The following PLXNA4 variants were observed in gnomAD, a reference collection of about 807,000 sequenced individuals.
PLXNA4 encodes plexin-A4.
Under a neutral mutation model 191.8 loss-of-function variants are expected in PLXNA4, and 44 were observed. The ratio of observed to expected loss-of-function variants is 0.23; its 90% confidence interval spans 0.18 to 0.29. The LOEUF (loss-of-function observed/expected upper bound fraction) is 0.29. PLXNA4 is among the 10% of genes least tolerant of loss of function. PLXNA4 has a pLI of 1.00. For missense variants in PLXNA4, 1,800 were observed against 2,488.8 expected (o/e 0.72, Z 5.89); for synonymous variants, 1,082 against 1,009.5 (o/e 1.07, Z -1.36).
chr7:132,343,531 G>A (rs926731575), intron 3 of PLXNA4, among the ~76,000 whole-genome samples: 8 of 152,174 alleles, frequency 5.3e-5, no homozygotes, highest in African/African-American at 1.4e-4. Flanking sequence ...TGTGTCCTTT[G>A]AAAAGAGAAG....
rs1310557370 is a variant in PLXNA4 at position 132,555,058 on chromosome 7, A to AAAAAAAAAAAAAAC, written c.-87+21363_-87+21364insGTTTTTTTTTTTTT. On this transcript the variant is annotated intron_variant, in intron 1 of 31. Transcript: ENST00000321063. ...GTAAACCTGAAGGAAAAAAAAAAAC[A>AAAAAAAAAAAAAAC]AAAAAAAAACAGTAACCATCACCAT... Among the ~76,000 whole-genome samples the AAAAAAAAAAAAAAC allele has an allele frequency of 2.2e-4, 32 of 146,346 alleles. 1 individual carries two copies. The highest frequency in any genetic ancestry group is 2.2e-4 in the African/African-American group (9 of 40,004).
At chr7:132,563,390 CTCT>C (rs1283711699) in intron 1 of PLXNA4, among the ~76,000 whole-genome samples, 13 of 95,194 alleles carry the variant, frequency 1.4e-4, no homozygotes, top group Admixed American at 2.0e-4. Flanking sequence ...CCTCCTCCTC[CTCT>C]TTCTCCTCCT....
At chr7:132,273,529 G>A (rs1387744868) in intron 4 of PLXNA4, among the ~76,000 whole-genome samples, 1 of 152,164 alleles carries the variant, frequency 6.6e-6, no homozygotes, top group African/African-American at 2.4e-5. Flanking sequence ...TGAACAGCAA[G>A]ATCCTCACTT....
chr7:132,619,674 G>A (rs1803223181), intron 2 of PLXNA4, among the ~76,000 whole-genome samples: 1 of 152,246 alleles, frequency 6.6e-6, no homozygotes, highest in African/African-American at 2.4e-5. Context: ...GCATATTCTA[G>A]AAGCTAAGCA....
At chr7:132,562,607 C>G (rs1563174403) in intron 1 of PLXNA4, among the ~76,000 whole-genome samples, 1 of 126,408 alleles carries the variant, frequency 7.9e-6, no homozygotes, top group Non-Finnish European at 1.6e-5. Context: ...TCCTCCTCCT[C>G]CTTCTCCTCC....
rs368835140 is a variant in PLXNA4 at position 132,140,583 on chromosome 7, G to A, written c.5438+16C>T. The A allele has an allele frequency of 3.5e-4, 563 of 1,611,026 alleles. No homozygotes were observed. The highest frequency in any genetic ancestry group is 4.6e-4 in the Non-Finnish European group (537 of 1,178,640). ...CAGCAAGGGGCCCTGACTTGGCTCC[G>A]TGGCCCAGCACTCACCTCTCCACCC... On this transcript the variant is annotated intron_variant, in intron 30 of 31. Coordinates refer to ENST00000321063, the MANE Select transcript of PLXNA4 (RefSeq NM_020911.2).
rs779930200 is a variant in PLXNA4, at chr7:132,380,292, C to T, written c.1372-82070G>A. Among the ~76,000 whole-genome samples the T allele has an allele frequency of 4.6e-5, 7 of 152,154 alleles. 1 individual carries two copies. Among genetic ancestry groups the T allele is most frequent in the Non-Finnish European group, 5.9e-5 (4 of 68,026 alleles). On this transcript the variant is annotated intron_variant, in intron 3 of 31. Transcript: ENST00000321063. ...TGTGATCGTGTGCAAAGGGCAGCACCAGGCCCTGGTGGTGATAACAAGGAG... is the reference window on the plus strand; with the variant it reads ...TGTGATCGTGTGCAAAGGGCAGCACTAGGCCCTGGTGGTGATAACAAGGAG...
intron 3 of PLXNA4, among the ~76,000 whole-genome samples, chr7:132,432,199 G>C (rs948449458): frequency 6.6e-6 from 1 of 152,170 alleles, no homozygotes; most frequent in Non-Finnish European, 1.5e-5. Flanking sequence ...ACTGGTGACG[G>C]ACGACTCACC....
At chr7:132,619,160 G>C (rs1017809508) in intron 2 of PLXNA4, among the ~76,000 whole-genome samples, 3 of 152,090 alleles carry the variant, frequency 2.0e-5, no homozygotes, top group African/African-American at 7.2e-5. Flanking sequence ...GAATCCTTAG[G>C]AAAAAGAACC....
intron 3 of PLXNA4, among the ~76,000 whole-genome samples, chr7:132,371,529 G>C (rs890545846): frequency 5.9e-5 from 9 of 152,174 alleles, no homozygotes; most frequent in Admixed American, 2.0e-4. Flanking sequence ...ACTTGGGATA[G>C]AAAATTAATC....
chr7:132,180,477 A>G, intron 19 of PLXNA4, 109 bp downstream of exon 19: 1 of 1,519,248 alleles, frequency 6.6e-7, no homozygotes, highest in Non-Finnish European at 8.9e-7. Flanking sequence ...TAGCTACAGG[A>G]AAAGTTCTTT....
At position 132,128,065 on chromosome 7, in the gene PLXNA4, CTG is replaced by C. The variant is rs1468340110; in HGVS notation, c.*2412_*2413del. The C allele has an allele frequency of 2.0e-5, 3 of 148,858 alleles. No homozygotes were observed. In the Admixed American group the frequency reaches 2.0e-4, roughly 10 times the overall value. The allele number at this position is 148,858 out of a possible 1,614,324, so 9.2% of individuals were successfully genotyped here. A position where few individuals can be genotyped will look rare whatever the true frequency, so the allele number is the denominator to read the frequency against. On this transcript the variant is annotated 3_prime_UTR_variant, in exon 32 of 32. Coordinates refer to ENST00000321063, the MANE Select transcript of PLXNA4 (RefSeq NM_020911.2). ...CACACGCAGCTTCCATCCAGCAAATCTGTGTTAAATACGTTTGTGTCTCTTTC... is the reference window on the plus strand; with the variant it reads ...CACACGCAGCTTCCATCCAGCAAATCTGTTAAATACGTTTGTGTCTCTTTC...
intron 3 of PLXNA4, among the ~76,000 whole-genome samples, chr7:132,372,295 G>T (rs930773213): frequency 6.6e-6 from 1 of 152,216 alleles, no homozygotes; most frequent in African/African-American, 2.4e-5. Flanking sequence ...ACCTTGAGTG[G>T]CTCTGCTGTT....
At chr7:132,557,464 G>A (rs779919373) in intron 1 of PLXNA4, among the ~76,000 whole-genome samples, 2 of 151,962 alleles carry the variant, frequency 1.3e-5, no homozygotes, top group Non-Finnish European at 1.5e-5. Context: ...AGGGGGGGAC[G>A]TAAAGATAGG....
At chr7:132,385,088 C>A in intron 3 of PLXNA4, 1 of 1,547,574 alleles carries the variant, frequency 6.5e-7, no homozygotes, top group Non-Finnish European at 8.7e-7. Context: ...TGATGTATGG[C>A]TGGGGTCACA....
At chr7:132,189,219 G>A (rs944745926) in intron 14 of PLXNA4, among the ~76,000 whole-genome samples, 1 of 151,904 alleles carries the variant, frequency 6.6e-6, no homozygotes, top group Admixed American at 6.6e-5. Flanking sequence ...TGCAGGTGTT[G>A]CTGGGGCACT....
intron 5 of PLXNA4, among the ~76,000 whole-genome samples, chr7:132,231,537 A>T (rs1584877039): frequency 6.6e-6 from 1 of 152,060 alleles, no homozygotes; most frequent in South Asian, 2.1e-4. Context: ...CCATCCTCCC[A>T]CCTCAGCCTC....
At chr7:132,132,403 T>C (rs148620133) in intron 31 of PLXNA4, among the ~76,000 whole-genome samples, 873 of 27,004 alleles carry the variant, frequency 0.032, 20 homozygotes, top group South Asian at 0.19. Flanking sequence ...TTCTGTTCTG[T>C]TCTGTTCTGT....
At chr7:132,367,490 G>C (rs151291548) in intron 3 of PLXNA4, among the ~76,000 whole-genome samples, 2,238 of 152,004 alleles carry the variant, frequency 0.015, 33 homozygotes, top group Non-Finnish European at 0.019. Flanking sequence ...GAAGAAGAAA[G>C]GGGGGGTGAA....
Sources: gnomAD v4.1 joint callset for allele counts (sites outside exome capture counted in the v4.1 genomes callset) on GRCh38, gnomAD v4.1.1 for gene constraint, MANE v1.5 for transcripts, NCBI Gene and HGNC (gene_info 2026-07-23, HGNC 2026-07-21) for gene names.